The following SETBP1 variants were observed in gnomAD, a reference collection of about 807,000 sequenced individuals.
SETBP1 encodes the protein SET-binding protein.
In SETBP1, 9 loss-of-function variants were observed where a neutral mutation model predicts 101.0. The ratio of observed to expected loss-of-function variants is 0.09; its 90% CI spans 0.05 to 0.16. The LOEUF is 0.16. Among genes scored for constraint, SETBP1 ranks in the 10% least tolerant of loss-of-function variants. The pLI is 1.00. For synonymous variants in SETBP1, 818 were observed against 788.5 expected (o/e 1.04, Z -0.63); for missense variants, 1,858 against 2,033.8 (o/e 0.91, Z 1.66).
rs137969951 is a variant in SETBP1 at position 44,992,242 on chromosome 18, G to A, written c.4000+38902G>A. Among the ~76,000 whole-genome samples the A allele has an allele frequency of 6.8e-3, 1,040 of 152,112 alleles. 12 individuals are homozygous for A. Among genetic ancestry groups the A allele is most frequent in the African/African-American group, 0.024 (993 of 41,544 alleles). On this transcript the variant is annotated intron_variant, in intron 4 of 5. Transcript: ENST00000649279. ...ATATACTCAAAAAAAGTAGAAGAAAGGAATGTATAAAGATAAAAACAAATC... is the reference window on the plus strand; with the variant it reads ...ATATACTCAAAAAAAGTAGAAGAAAAGAATGTATAAAGATAAAAACAAATC...
At chr18:44,855,321 C>G in intron 2 of SETBP1, among the ~76,000 whole-genome samples, 1 of 150,748 alleles carries the variant, frequency 6.6e-6, no homozygotes, top group East Asian at 1.9e-4. Context: ...TTTTTGTTTT[C>G]ATTTTGCTAT....
intron 4 of SETBP1, among the ~76,000 whole-genome samples, chr18:45,022,035 C>T (rs1009575015): frequency 1.3e-5 from 2 of 152,096 alleles, no homozygotes; most frequent in Admixed American, 1.3e-4. Flanking sequence ...CAGTTTCTAC[C>T]CTTGATTCGA....
At position 44,951,818 on chromosome 18, in the gene SETBP1, C is replaced by T; in HGVS notation, c.2478C>T (p.Thr826=). ...CCCAAAAGGGAATACACAGTGGAAC[C>T]TGGAAGCTGTCTCCACCCAGACTGA... ...TKTQKGIHSG[T]WKLSPPRLMA... The change falls in exon 4 of 6, where the codon ACC becomes ACT. Residue 826 remains threonine (T), a synonymous_variant. Transcript: ENST00000649279. This position sits in a 1 kb window ranked among gnomAD's most constrained non-coding sequence, Gnocchi z 7.8. 1.2e-6 allele frequency: 2 copies of T among 1,614,110 alleles called. No individual in the cohort carries two copies. Among genetic ancestry groups the T allele is most frequent in the Non-Finnish European group, 1.7e-6 (2 of 1,180,034 alleles).
chr18:45,020,272 A>T (rs1425696578), intron 4 of SETBP1, among the ~76,000 whole-genome samples: 3 of 66,634 alleles, frequency 4.5e-5, no homozygotes, highest in African/African-American at 2.0e-4. Flanking sequence ...AAAAAAAAAA[A>T]AAAAAAAAAA....
chr18:44,863,169 G>A (rs1421298134), intron 2 of SETBP1, among the ~76,000 whole-genome samples: 1 of 152,128 alleles, frequency 6.6e-6, no homozygotes, highest in East Asian at 1.9e-4. Context: ...TCATTTCAGA[G>A]CCTTTTGCTT....
chr18:44,834,345 A>C (rs547189786), intron 2 of SETBP1, among the ~76,000 whole-genome samples: 1 of 152,198 alleles, frequency 6.6e-6, no homozygotes, highest in East Asian at 1.9e-4. Context: ...AATACAGTGA[A>C]TAAGTCAAGA....
chr18:44,953,632 T>G (rs2071418374), intron 4 of SETBP1, among the ~76,000 whole-genome samples: 1 of 152,220 alleles, frequency 6.6e-6, no homozygotes, highest in Non-Finnish European at 1.5e-5. Flanking sequence ...TTATTAAAGA[T>G]GCTGTTCTTA....
chr18:44,989,667 A>C (rs939243723), intron 4 of SETBP1, among the ~76,000 whole-genome samples: 2 of 151,666 alleles, frequency 1.3e-5, no homozygotes, highest in Admixed American at 1.3e-4. Context: ...CAGGAGATCG[A>C]GACCATCCCG....
chr18:44,912,768 C>G (rs1327997945), intron 3 of SETBP1, among the ~76,000 whole-genome samples: 1 of 152,148 alleles, frequency 6.6e-6, no homozygotes, highest in East Asian at 1.9e-4. Context: ...GTTTACCCCT[C>G]CTCTGTGCAC....
At chr18:44,791,328 G>A (rs74901749) in intron 2 of SETBP1, among the ~76,000 whole-genome samples, 4,320 of 152,254 alleles carry the variant, frequency 0.028, 101 homozygotes, top group Non-Finnish European at 0.046. Context: ...TCGGAAAACC[G>A]TCCTAGTGGT....
chr18:44,953,132 T>C lies in SETBP1; in HGVS notation c.3792T>C (p.Ser1264=). 1 of 1,614,158 alleles carries C rather than the reference T, an allele frequency of 6.2e-7. No individual in the cohort carries two copies. The highest frequency in any genetic ancestry group is 1.3e-5 in the African/African-American group (1 of 75,044). The stretch of plus-strand genomic sequence containing the variant: ...TGGACTCATGCACGAAAAGATACTC[T>C]GGCAGTGGCGGGGATGGTGGCAGCA... ...EPVDSCTKRY[S]GSGGDGGSTR... is the part of the protein sequence containing the mutation. Residue 1264 remains serine (S), a synonymous_variant, in exon 4 of 6, where the codon TCT becomes TCC. Coordinates refer to ENST00000649279, the MANE Select transcript of SETBP1 (RefSeq NM_015559.3).
At chr18:44,730,553 G>C (rs2069816661) in intron 2 of SETBP1, among the ~76,000 whole-genome samples, 1 of 152,152 alleles carries the variant, frequency 6.6e-6, no homozygotes, top group East Asian at 1.9e-4. Context: ...TGTGTTGCTT[G>C]GTCTCTCCAT....
Position 45,000,439 on chromosome 18 carries a change from C to T in SETBP1, c.4001-38046C>T, listed in dbSNP as rs999604404. Among the ~76,000 whole-genome samples the T allele has an allele frequency of 4.6e-5, 7 of 152,220 alleles. No individual in the cohort carries two copies. The South Asian group carries it at 1.2e-3, about 27-fold the overall frequency. ...TGCCCTGAGGTCTTCTGAACATGTT[C>T]CTGCCTGGAAACAGGGCATGGTAAG... On this transcript the variant is annotated intron_variant, in intron 4 of 5. Coordinates refer to ENST00000649279, the MANE Select transcript of SETBP1 (RefSeq NM_015559.3).
At chr18:45,050,306 G>A (rs1344758356) in intron 5 of SETBP1, among the ~76,000 whole-genome samples, 1 of 152,180 alleles carries the variant, frequency 6.6e-6, no homozygotes, top group Non-Finnish European at 1.5e-5. Flanking sequence ...ATGGTTGAAA[G>A]CTACCTCCTC....
intron 4 of SETBP1, among the ~76,000 whole-genome samples, chr18:44,954,439 G>A (rs1428198472): frequency 6.6e-6 from 1 of 151,536 alleles, no homozygotes; most frequent in African/African-American, 2.4e-5. Flanking sequence ...CCATGTTTAA[G>A]GTTTGGTGTA....
At chr18:44,814,160 G>A (rs1167634800) in intron 2 of SETBP1, among the ~76,000 whole-genome samples, 2 of 152,184 alleles carry the variant, frequency 1.3e-5, no homozygotes, top group Non-Finnish European at 2.9e-5. Flanking sequence ...ATGGGGGAAG[G>A]TTGGTACAGA....
chr18:44,916,856 G>A (rs1401750600), intron 3 of SETBP1, among the ~76,000 whole-genome samples: 1 of 152,234 alleles, frequency 6.6e-6, no homozygotes, highest in Non-Finnish European at 1.5e-5. Context: ...TTACAGGGAT[G>A]TTGGGTGGTA....
chr18:44,734,278 T>C (rs1358969250), intron 2 of SETBP1, among the ~76,000 whole-genome samples: 1 of 152,236 alleles, frequency 6.6e-6, no homozygotes, highest in East Asian at 1.9e-4. Flanking sequence ...TTGTCATTCA[T>C]GAGCTATTAA....
intron 4 of SETBP1, among the ~76,000 whole-genome samples, chr18:44,972,247 G>T (rs1377694217): frequency 1.3e-5 from 2 of 152,028 alleles, no homozygotes; most frequent in South Asian, 2.1e-4. Flanking sequence ...CTCTGTTTTG[G>T]TACCAGTCCC....
Sources: gnomAD v4.1 joint callset for allele counts (sites outside exome capture counted in the v4.1 genomes callset) on GRCh38, gnomAD v4.1.1 for gene constraint, Gnocchi (gnomAD v3.1) non-coding constraint, MANE v1.5 for transcripts, NCBI Gene and HGNC (gene_info 2026-07-23, HGNC 2026-07-21) for gene names.